The following NTN4 variants were observed in gnomAD, a reference collection of about 807,000 sequenced individuals.
NTN4 encodes the protein netrin-4.
Under a neutral mutation model 73.6 loss-of-function variants are expected in NTN4, and 32 were observed. That is an observed-to-expected ratio of 0.44 (90% CI 0.33 to 0.58). NTN4 has a LOEUF of 0.58. Among genes scored for constraint, NTN4 ranks in the 20% least tolerant of loss-of-function variants. NTN4 has a pLI of 0.04. For synonymous variants in NTN4, 258 were observed against 287.5 expected, an observed-to-expected ratio of 0.90 and a Z score of 1.04; for missense variants, 654 against 798.3, an observed-to-expected ratio of 0.82 and a Z score of 2.18.
chr12:95,749,592 C>T (rs1000949467), intron 2 of NTN4, among the ~76,000 whole-genome samples: 84 of 152,304 alleles, frequency 5.5e-4, no homozygotes, highest in Non-Finnish European at 2.1e-4. Flanking sequence ...AAAACTCTGG[C>T]GCCGGTCACG....
At chr12:95,753,434 T>C (rs1387933222) in intron 2 of NTN4, among the ~76,000 whole-genome samples, 1 of 146,274 alleles carries the variant, frequency 6.8e-6, no homozygotes, top group Non-Finnish European at 1.5e-5. Flanking sequence ...CCTCTTAGTC[T>C]AAATAGACAC....
chr12:95,693,735 G>GA (rs11327868), intron 5 of NTN4, among the ~76,000 whole-genome samples: 32 of 118,172 alleles, frequency 2.7e-4, no homozygotes, highest in Middle Eastern at 4.1e-3. Flanking sequence ...TGTCTCAATT[G>GA]AAAAAAAAAA....
rs201370320 is a variant in NTN4, at chr12:95,780,124, C to T, written c.585+6815G>A. ...GTAGAAAGCTGAAACTGGATCCCTTCCTTACACCTTATACAAACATTAATT... is the reference window on the plus strand; with the variant it reads ...GTAGAAAGCTGAAACTGGATCCCTTTCTTACACCTTATACAAACATTAATT... On this transcript the variant is annotated intron_variant, in intron 2 of 9. Coordinates refer to ENST00000343702, the MANE Select transcript of NTN4 (RefSeq NM_021229.4). Among the ~76,000 whole-genome samples, 271 of 152,136 alleles carry T rather than the reference C, an allele frequency of 1.8e-3. 7 individuals are homozygous for T. In the East Asian group the frequency reaches 0.046, roughly 26 times the overall value.
At chr12:95,783,915 G>A (rs535566839) in intron 2 of NTN4, among the ~76,000 whole-genome samples, 1 of 152,282 alleles carries the variant, frequency 6.6e-6, no homozygotes, top group African/African-American at 2.4e-5. Context: ...GTTGATGGAG[G>A]TGGCTGACTC....
intron 7 of NTN4, among the ~76,000 whole-genome samples, chr12:95,674,632 G>GGTAAA (rs1393420624): frequency 1.3e-5 from 2 of 152,116 alleles, no homozygotes; most frequent in African/African-American, 2.4e-5. Context: ...GTGTTTTGTT[G>GGTAAA]GTAAAGTATA....
intron 2 of NTN4, among the ~76,000 whole-genome samples, chr12:95,778,948 C>T (rs778109534): frequency 3.8e-4 from 58 of 152,200 alleles, no homozygotes; most frequent in African/African-American, 6.5e-4. Context: ...CACATCAAAA[C>T]GCTTACCCAC....
chr12:95,763,246 T>G (rs2079000474), intron 2 of NTN4, among the ~76,000 whole-genome samples: 1 of 151,508 alleles, frequency 6.6e-6, no homozygotes, highest in Admixed American at 6.6e-5. Context: ...CAAAGAATTT[T>G]TAATAATCAA....
chr12:95,724,049 G>C (rs975989807), intron 3 of NTN4, among the ~76,000 whole-genome samples: 5 of 151,828 alleles, frequency 3.3e-5, no homozygotes, highest in African/African-American at 1.2e-4. Flanking sequence ...AAGAATACTT[G>C]AGGATTTACT....
intron 7 of NTN4, chr12:95,673,877 C>CTGAT (rs1205745116): frequency 6.6e-6 from 1 of 152,208 alleles, no homozygotes; most frequent in Non-Finnish European, 1.5e-5. Context: ...CTTTCACTGA[C>CTGAT]TGATTTCTGA....
intron 6 of NTN4, 50 bp downstream of exon 6, chr12:95,683,448 A>T: frequency 6.4e-7 from 1 of 1,550,482 alleles, no homozygotes; most frequent in African/African-American, 1.4e-5. Context: ...ATAGGTTTTC[A>T]AAAGAGCCTG....
intron 1 of NTN4, among the ~76,000 whole-genome samples, chr12:95,788,161 A>G (rs530491118): frequency 2.0e-5 from 3 of 152,282 alleles, no homozygotes; most frequent in Admixed American, 2.0e-4. Context: ...CATAACTAAG[A>G]AAAAAACTCT....
intron 2 of NTN4, among the ~76,000 whole-genome samples, chr12:95,767,221 G>A (rs2079026577): frequency 6.6e-6 from 1 of 151,866 alleles, no homozygotes; most frequent in Non-Finnish European, 1.5e-5. Flanking sequence ...TTACACAGGT[G>A]CACTTTTCCA....
At chr12:95,790,943 C>T (rs2079206527), upstream of NTN4, among the ~76,000 whole-genome samples, 1 of 142,870 alleles carries the variant, frequency 7.0e-6, no homozygotes, top group Non-Finnish European at 1.5e-5. The surrounding 1 kb of genome is among the most constrained non-coding windows in gnomAD (Gnocchi z 6.5). Context: ...GGGGGGTCCC[C>T]CGCGCCCCGA....
At chr12:95,741,762 T>G (rs1161985264) in intron 2 of NTN4, among the ~76,000 whole-genome samples, 1 of 151,696 alleles carries the variant, frequency 6.6e-6, no homozygotes, top group African/African-American at 2.4e-5. Context: ...AAAATTTATG[T>G]AAATGTGGTC....
Position 95,658,121 on chromosome 12 carries a change from T to C in NTN4, c.*965A>G, listed in dbSNP as rs867553717. 7 of 152,274 alleles carry C rather than the reference T, an allele frequency of 4.6e-5. No homozygotes were observed. The highest frequency in any genetic ancestry group is 7.3e-5 in the Non-Finnish European group (5 of 68,032). 9.4% of individuals were successfully genotyped at this position (152,274 alleles called of 1,614,324 possible). On this transcript the variant is annotated 3_prime_UTR_variant, in exon 10 of 10. Transcript: ENST00000343702. The stretch of plus-strand genomic sequence containing the variant: ...GACAAGGAGGAAAACTGTTTCAATG[T>C]TCAGGTTTAAATACTAAGCACAAAA...
At chr12:95,728,876 A>G (rs1247766331) in intron 3 of NTN4, among the ~76,000 whole-genome samples, 6 of 152,158 alleles carry the variant, frequency 3.9e-5, no homozygotes, top group Non-Finnish European at 8.8e-5. Flanking sequence ...CCCTCAGGAT[A>G]GTGAGTTCTC....
At chr12:95,663,040 A>G (rs1215038761) in intron 9 of NTN4, among the ~76,000 whole-genome samples, 1 of 152,062 alleles carries the variant, frequency 6.6e-6, no homozygotes, top group Non-Finnish European at 1.5e-5. Flanking sequence ...GGATTGCTTG[A>G]GCCTGGGAGG....
intron 2 of NTN4, among the ~76,000 whole-genome samples, chr12:95,765,910 G>T (rs1340577095): frequency 6.6e-6 from 1 of 152,186 alleles, no homozygotes; most frequent in Non-Finnish European, 1.5e-5. Flanking sequence ...GAGAGAGATG[G>T]AACTAGACAG....
At chr12:95,742,965 C>T (rs1406503702) in intron 2 of NTN4, among the ~76,000 whole-genome samples, 2 of 152,154 alleles carry the variant, frequency 1.3e-5, no homozygotes, top group Non-Finnish European at 1.5e-5. Context: ...TTGATGAGAA[C>T]GATGTGAACA....
Sources: allele counts gnomAD v4.1 joint callset (sites outside exome capture counted in the v4.1 genomes callset), GRCh38; gene constraint gnomAD v4.1.1; non-coding constraint Gnocchi (gnomAD v3.1); transcripts MANE v1.5; gene names NCBI Gene and HGNC (gene_info 2026-07-23, HGNC 2026-07-21).